TEAD1: variants seen among roughly 807,000 people sequenced by gnomAD.
TEAD1 encodes the protein TEA domain transcription factor 1, also known as transcriptional enhancer factor TEF-1.
Under a neutral mutation model 54.9 loss-of-function variants are expected in TEAD1, and 9 were observed. That is an observed-to-expected ratio of 0.16 (90% CI 0.10 to 0.29). The LOEUF is 0.29. Ranked by LOEUF, TEAD1 falls within the 10% of genes least tolerant of loss-of-function variation. The pLI, the probability that TEAD1 is intolerant of heterozygous loss-of-function variation, is 1.00. For missense variants in TEAD1, 387 were observed against 535.9 expected (o/e 0.72, Z 2.74); for synonymous variants, 200 against 187.8 (o/e 1.07, Z -0.53).
At chr11:12,906,364 A>T (rs1948519533) in intron 10 of TEAD1, among the ~76,000 whole-genome samples, 1 of 151,880 alleles carries the variant, frequency 6.6e-6, no homozygotes, top group South Asian at 2.1e-4. Context: ...ACACGGTGAA[A>T]CCCCATCCCT....
intron 12 of TEAD1, among the ~76,000 whole-genome samples, chr11:12,933,873 A>T (rs764739621): frequency 2.6e-5 from 4 of 152,232 alleles, no homozygotes; most frequent in Non-Finnish European, 5.9e-5. Context: ...GATCATTAAA[A>T]AGTCAGGAAA....
intron 3 of TEAD1, among the ~76,000 whole-genome samples, chr11:12,802,022 ATTT>A (rs542152928): frequency 3.2e-4 from 48 of 152,302 alleles, no homozygotes; most frequent in African/African-American, 1.1e-3. Context: ...CCCTCACTAG[ATTT>A]TTGAGTCACT....
chr11:12,763,251 A>T (rs7127147), intron 2 of TEAD1, among the ~76,000 whole-genome samples: 2,443 of 152,308 alleles, frequency 0.016, 72 homozygotes, highest in African/African-American at 0.056. Context: ...TGGTTCTGTG[A>T]TCTTCAGTGC....
chr11:12,830,192 ACAAAG>A (rs1946743451), intron 3 of TEAD1, among the ~76,000 whole-genome samples: 1 of 150,920 alleles, frequency 6.6e-6, no homozygotes, highest in African/African-American at 2.5e-5. Context: ...GACCAAATAA[ACAAAG>A]GAAGACAGCA....
intron 7 of TEAD1, 91 bp from the exon 8 acceptor site, chr11:12,881,805 C>A: frequency 3.7e-6 from 5 of 1,342,282 alleles, no homozygotes; most frequent in South Asian, 2.3e-5. Flanking sequence ...CGGTGAAGGA[C>A]CTCCCACTGG....
intron 1 of TEAD1, 59 bp from the exon 2 acceptor site, chr11:12,675,350 G>C (rs976593936): frequency 6.6e-6 from 1 of 152,240 alleles, no homozygotes; most frequent in African/African-American, 2.4e-5. Context: ...GCTGGCGGGG[G>C]GTTCGCTCCT....
chr11:12,891,363 G>A (rs1948193965), intron 9 of TEAD1, among the ~76,000 whole-genome samples: 1 of 152,194 alleles, frequency 6.6e-6, no homozygotes, highest in Non-Finnish European at 1.5e-5. Flanking sequence ...AGGGGCTGGA[G>A]GAAACTATAC....
intron 10 of TEAD1, among the ~76,000 whole-genome samples, chr11:12,911,849 G>C (rs940128454): frequency 6.6e-6 from 1 of 152,094 alleles, no homozygotes; most frequent in African/African-American, 2.4e-5. Flanking sequence ...GCTCCTTCCT[G>C]GTTCCCGAAC....
At chr11:12,793,273 T>C (rs1945842984) in intron 3 of TEAD1, among the ~76,000 whole-genome samples, 1 of 152,150 alleles carries the variant, frequency 6.6e-6, no homozygotes. Context: ...AGAAGTGGAA[T>C]GGCACAGTTA....
chr11:12,879,669 C>T (rs374937210), intron 5 of TEAD1, 39 bp from the exon 6 acceptor site: 11 of 1,613,818 alleles, frequency 6.8e-6, no homozygotes, highest in South Asian at 3.3e-5. Context: ...GGTAGCCATG[C>T]GTTATGTATT....
intron 3 of TEAD1, among the ~76,000 whole-genome samples, chr11:12,854,277 ACT>A (rs1452836528): frequency 1.3e-5 from 2 of 151,208 alleles, no homozygotes; most frequent in Non-Finnish European, 2.9e-5. Context: ...CATCCCTCTC[ACT>A]CTGTCATTTA....
chr11:12,737,663 G>A (rs1168518648), intron 2 of TEAD1, among the ~76,000 whole-genome samples: 1 of 152,184 alleles, frequency 6.6e-6, no homozygotes, highest in Admixed American at 6.5e-5. Flanking sequence ...GCTTATGCAT[G>A]CCTTTTAGTG....
chr11:12,707,820 ACT>A (rs1192168632), intron 2 of TEAD1, among the ~76,000 whole-genome samples: 1 of 152,244 alleles, frequency 6.6e-6, no homozygotes, highest in Admixed American at 6.5e-5. Flanking sequence ...TGTCTAGTCA[ACT>A]CTGTTTAAGG....
In TEAD1 at chr11:12,943,165, G is replaced by GT. The variant is rs2134183465; in HGVS notation, c.*5944dup. ...GAGTGATTCTTATCCACTCCAAGTT[G>GT]TAAGTATTTGTAGAAATTTGTGCAA... On this transcript the variant is annotated 3_prime_UTR_variant, in exon 13 of 13. Coordinates refer to ENST00000527636, the MANE Select transcript of TEAD1 (RefSeq NM_021961.6). The GT allele has an allele frequency of 6.6e-6, 1 of 152,318 alleles. No homozygotes were observed. The highest frequency in any genetic ancestry group is 2.1e-4 in the South Asian group (1 of 4,828). The allele number at this position is 152,318 out of a possible 1,614,324, so 9.4% of individuals were successfully genotyped here.
intron 3 of TEAD1, among the ~76,000 whole-genome samples, chr11:12,817,621 A>AT (rs1241221893): frequency 2.0e-5 from 3 of 152,328 alleles, no homozygotes; most frequent in African/African-American, 7.2e-5. Context: ...AGCTTTTCAT[A>AT]GTAATATAAT....
chr11:12,810,326 G>C (rs905584288), intron 3 of TEAD1, among the ~76,000 whole-genome samples: 3 of 152,158 alleles, frequency 2.0e-5, no homozygotes, highest in African/African-American at 7.2e-5. Flanking sequence ...GCTGTTTAGA[G>C]GTGTAAGGGA....
intron 2 of TEAD1, among the ~76,000 whole-genome samples, chr11:12,762,491 A>G (rs1945121846): frequency 6.6e-6 from 1 of 152,222 alleles, no homozygotes; most frequent in Non-Finnish European, 1.5e-5. Flanking sequence ...TTATACCTTC[A>G]CATTTGGCAA....
intron 2 of TEAD1, among the ~76,000 whole-genome samples, chr11:12,738,775 A>G (rs1363239802): frequency 6.6e-6 from 1 of 152,184 alleles, no homozygotes; most frequent in Non-Finnish European, 1.5e-5. Context: ...TCAGAGCAGT[A>G]TTCCAGCCCC....
At chr11:12,891,809 G>A (rs1948204044) in intron 9 of TEAD1, among the ~76,000 whole-genome samples, 2 of 152,216 alleles carry the variant, frequency 1.3e-5, no homozygotes, top group South Asian at 4.1e-4. Context: ...GGCAGGGATT[G>A]TTCTCCATTC....
Sources: gnomAD v4.1 joint callset for allele counts (sites outside exome capture counted in the v4.1 genomes callset) on GRCh38, gnomAD v4.1.1 for gene constraint, MANE v1.5 for transcripts, NCBI Gene and HGNC (gene_info 2026-07-23, HGNC 2026-07-21) for gene names.